Variants in DAB1 observed in about 807,000 individuals in gnomAD.
The protein encoded by DAB1 is DAB adaptor protein 1.
DAB1 carries 15 observed loss-of-function variants against 64.6 expected under a neutral mutation model. That is an observed-to-expected ratio of 0.23 (90% CI 0.16 to 0.36). The LOEUF is 0.36. Ranked by LOEUF, DAB1 falls within the 10% of genes least tolerant of loss-of-function variation. DAB1 has a pLI of 1.00. For missense variants in DAB1, 596 were observed against 706.7 expected, an observed-to-expected ratio of 0.84 and a Z score of 1.78; for synonymous variants, 235 against 251.9, an observed-to-expected ratio of 0.93 and a Z score of 0.64.
Position 57,093,096 on chromosome 1 carries a change from C to A in DAB1, c.307-20682G>T, listed in dbSNP as rs116039876. Among the ~76,000 whole-genome samples, 533 of 152,298 alleles carry A rather than the reference C, an allele frequency of 3.5e-3. 5 individuals are homozygous for A. Among genetic ancestry groups the A allele is most frequent in the African/African-American group, 0.012 (518 of 41,568 alleles). On this transcript the variant is annotated intron_variant, in intron 4 of 14. Transcript: ENST00000371236. ...AAAGAGCAACTGTACTGTTCCATAG[C>A]TGCACACTTGCCAGTCCAGAGTAGA... is the stretch of plus-strand genomic sequence containing the variant.
chr1:58,214,713 C>T (rs2100301960), intron 4 of DAB1, among the ~76,000 whole-genome samples: 1 of 152,252 alleles, frequency 6.6e-6, no homozygotes, highest in East Asian at 1.9e-4. Flanking sequence ...AAGCAGTAGG[C>T]TTGTAGAAAC....
rs972015205 is a variant in DAB1, at chr1:58,294,221, A to G, written n.309+49131T>C. ...TAATTTCATCAGACAGGACCTGATC[A>G]TTTTTGACTATGAAAAAAATCTCCC... On this transcript the variant is annotated intron_variant and non_coding_transcript_variant, in intron 4 of 20. Coordinates refer to the DAB1 transcript ENST00000485760. 2.6e-5 allele frequency among the ~76,000 whole-genome samples: 4 copies of G among 152,136 alleles called. No homozygotes were observed. The East Asian group carries it at 7.7e-4, about 29-fold the overall frequency.
intron 2 of DAB1, among the ~76,000 whole-genome samples, chr1:58,513,977 A>C (rs1646121806): frequency 6.6e-6 from 1 of 152,166 alleles, no homozygotes; most frequent in Non-Finnish European, 1.5e-5. Flanking sequence ...TAGGAGTCTC[A>C]GATGCATCTG....
intron 7 of DAB1, among the ~76,000 whole-genome samples, chr1:57,585,428 C>A (rs1300720449): frequency 1.3e-5 from 2 of 152,036 alleles, no homozygotes; most frequent in African/African-American, 4.8e-5. Context: ...TCTATATATG[C>A]ATGTAGATTT....
chr1:57,694,235 A>C (rs1305434574), intron 6 of DAB1, among the ~76,000 whole-genome samples: 1 of 152,204 alleles, frequency 6.6e-6, no homozygotes, highest in East Asian at 1.9e-4. Flanking sequence ...TGGTTGCAGT[A>C]CAGAAAACAA....
rs778242651 is a variant in DAB1, at chr1:58,481,097, C to T, written n.257+24963G>A. On this transcript the variant is annotated intron_variant and non_coding_transcript_variant, in intron 3 of 20. Transcript: ENST00000485760. Reference sequence around the variant, plus strand: ...TCTCTGATTCTTCAAGAAAATGCTTCGTGCTGAGTTTGAATAGTAATCGAG... The same window carrying T: ...TCTCTGATTCTTCAAGAAAATGCTTTGTGCTGAGTTTGAATAGTAATCGAG... 18 of 871,664 alleles carry T rather than the reference C, an allele frequency of 2.1e-5. 1 individual carries two copies. In the East Asian group the frequency reaches 2.6e-4, roughly 13 times the overall value. 54.0% of individuals were successfully genotyped at this position (871,664 alleles called of 1,614,324 possible).
In DAB1 at chr1:57,189,657, T is replaced by C. The variant is rs568959135; in HGVS notation, c.68-44228A>G. On this transcript the variant is annotated intron_variant, in intron 2 of 14. Transcript: ENST00000371236. ...CTAGAGATACAAAGTTGCCAGCACA[T>C]TGTTACTGGTGATGGTTAGGCCTAT... Among the ~76,000 whole-genome samples, 4 of 152,114 alleles carry C rather than the reference T, an allele frequency of 2.6e-5. No individual in the cohort carries two copies. In the South Asian group the frequency reaches 8.3e-4, roughly 32 times the overall value.
chr1:58,077,729 A>G (rs1332574017), intron 5 of DAB1, among the ~76,000 whole-genome samples: 2 of 152,190 alleles, frequency 1.3e-5, no homozygotes, highest in Non-Finnish European at 2.9e-5. Flanking sequence ...GAAAGGAGAA[A>G]GGAAAGATTG....
intron 7 of DAB1, among the ~76,000 whole-genome samples, chr1:57,449,234 T>G (rs2101150149): frequency 6.6e-6 from 1 of 152,306 alleles, no homozygotes; most frequent in South Asian, 2.1e-4. Context: ...GTTCTACTTG[T>G]TCTGTGACAT....
intron 4 of DAB1, among the ~76,000 whole-genome samples, chr1:58,199,955 G>A (rs937062786): frequency 6.6e-6 from 1 of 152,122 alleles, no homozygotes; most frequent in East Asian, 1.9e-4. Flanking sequence ...GCCAAATGAC[G>A]GGGAAAGAGA....
intron 1 of DAB1, among the ~76,000 whole-genome samples, chr1:57,372,467 G>A (rs1235821533): frequency 1.3e-5 from 2 of 152,158 alleles, no homozygotes; most frequent in Non-Finnish European, 2.9e-5. Flanking sequence ...GCACTTTGGA[G>A]CCTGCATGTT....
At chr1:58,155,666 T>C (rs1570425989) in intron 4 of DAB1, among the ~76,000 whole-genome samples, 1 of 152,188 alleles carries the variant, frequency 6.6e-6, no homozygotes, top group African/African-American at 2.4e-5. Context: ...GGCACAAACA[T>C]TGCAGGTCCG....
intron 4 of DAB1, among the ~76,000 whole-genome samples, chr1:57,105,912 T>TG (rs1482575173): frequency 3.3e-5 from 5 of 152,190 alleles, no homozygotes; most frequent in East Asian, 3.9e-4. Flanking sequence ...TGACTGACTG[T>TG]GGGAAACAGC....
chr1:58,483,943 G>C (rs972612078), intron 3 of DAB1, among the ~76,000 whole-genome samples: 6 of 152,222 alleles, frequency 3.9e-5, no homozygotes, highest in African/African-American at 1.4e-4. Context: ...TAAAGGGGGA[G>C]AGTATGGAGT....
At chr1:57,616,264 T>C (rs1645789179) in intron 7 of DAB1, among the ~76,000 whole-genome samples, 1 of 152,228 alleles carries the variant, frequency 6.6e-6, no homozygotes, top group Non-Finnish European at 1.5e-5. Flanking sequence ...TCTATCTCAC[T>C]GTTCAGATCT....
intron 7 of DAB1, among the ~76,000 whole-genome samples, chr1:57,564,237 A>G (rs1250789386): frequency 2.0e-5 from 3 of 152,202 alleles, no homozygotes; most frequent in African/African-American, 7.2e-5. Flanking sequence ...TGACTATTAG[A>G]AGGAAAACTA....
chr1:58,381,798 G>A (rs12026476), intron 3 of DAB1, among the ~76,000 whole-genome samples: 16,292 of 152,178 alleles, frequency 0.11, 936 homozygotes, highest in Middle Eastern at 0.17. Flanking sequence ...TGGGCAGTTG[G>A]ACAATACAAG....
chr1:58,161,461 G>A (rs1385225974), intron 4 of DAB1, among the ~76,000 whole-genome samples: 1 of 152,168 alleles, frequency 6.6e-6, no homozygotes, highest in East Asian at 1.9e-4. Flanking sequence ...GAAGAACAAA[G>A]TGTTTTACAA....
chr1:57,517,590 A>T (rs1320801980), intron 7 of DAB1, among the ~76,000 whole-genome samples: 1 of 152,252 alleles, frequency 6.6e-6, no homozygotes, highest in African/African-American at 2.4e-5. Flanking sequence ...TGTTTCCTCC[A>T]GGTTACTAAA....
Sources: gnomAD v4.1 joint callset for allele counts (sites outside exome capture counted in the v4.1 genomes callset) on GRCh38, gnomAD v4.1.1 for gene constraint, MANE v1.5 for transcripts, NCBI Gene and HGNC (gene_info 2026-07-23, HGNC 2026-07-21) for gene names.